RBL1: variants seen among roughly 807,000 people sequenced by gnomAD.
RBL1 encodes RB transcriptional corepressor like 1, also known as retinoblastoma-like protein 1.
Under a neutral mutation model 123.0 loss-of-function variants are expected in RBL1, and 82 were observed. The ratio of observed to expected loss-of-function variants is 0.67; its 90% confidence interval spans 0.56 to 0.80. The LOEUF is 0.80. Ranked by LOEUF, RBL1 falls within the 30% of genes least tolerant of loss-of-function variation. The pLI is 0.00. For synonymous variants in RBL1, 405 were observed against 441.3 expected, an observed-to-expected ratio of 0.92 and a Z score of 1.03; for missense variants, 1,171 against 1,299.6, an observed-to-expected ratio of 0.90 and a Z score of 1.52.
chr20:36,998,654 C>A lies in RBL1; in HGVS notation c.*105G>T. 7.9e-6 allele frequency: 8 copies of A among 1,010,326 alleles called. No individual in the cohort carries two copies. Among genetic ancestry groups the A allele is most frequent in the Admixed American group, 3.2e-5 (1 of 30,986 alleles). The allele number at this position is 1,010,326 out of a possible 1,614,324, so 62.6% of individuals were successfully genotyped here. ...ATTTTTGTGCAATTTTTTCTTATAA[C>A]CCAGTGATATTTATCATCTATAGGG... On this transcript the variant is annotated 3_prime_UTR_variant, in exon 22 of 22. Coordinates refer to ENST00000373664, the MANE Select transcript of RBL1 (RefSeq NM_002895.5).
chr20:37,084,146 C>T (rs1186060174), intron 2 of RBL1, among the ~76,000 whole-genome samples: 1 of 151,858 alleles, frequency 6.6e-6, no homozygotes, highest in Non-Finnish European at 1.5e-5. Context: ...GAGATCTGCC[C>T]GCCTTGGCCT....
At chr20:37,018,183 T>C (rs1425681335) in intron 19 of RBL1, 96 bp downstream of exon 19, 6 of 1,353,626 alleles carry the variant, frequency 4.4e-6, no homozygotes, top group Non-Finnish European at 4.8e-6. Flanking sequence ...CTCACCTCCT[T>C]ATGATTCACA....
chr20:37,047,473 T>A (rs1369556676), intron 11 of RBL1, among the ~76,000 whole-genome samples: 1 of 152,170 alleles, frequency 6.6e-6, no homozygotes, highest in Non-Finnish European at 1.5e-5. Flanking sequence ...GCATTAGAAT[T>A]GGTTATTTTT....
intron 11 of RBL1, among the ~76,000 whole-genome samples, chr20:37,053,413 C>G (rs2064951524): frequency 6.6e-6 from 1 of 152,120 alleles, no homozygotes; most frequent in Admixed American, 6.6e-5. Context: ...ACTGGCATAT[C>G]TAAATTGTGA....
chr20:37,070,766 C>G (rs2065270623), intron 2 of RBL1, among the ~76,000 whole-genome samples: 1 of 152,170 alleles, frequency 6.6e-6, no homozygotes, highest in Non-Finnish European at 1.5e-5. Flanking sequence ...TGTGTTCAAG[C>G]AAGCCACCGT....
chr20:37,089,398 C>T (rs1884274441), intron 1 of RBL1, among the ~76,000 whole-genome samples: 1 of 148,794 alleles, frequency 6.7e-6, no homozygotes, highest in South Asian at 2.1e-4. Flanking sequence ...TGTTTGTAAT[C>T]CCAGTAACTC....
intron 6 of RBL1, among the ~76,000 whole-genome samples, chr20:37,066,222 CTAAGT>C (rs1245186607): frequency 2.0e-5 from 3 of 152,140 alleles, no homozygotes; most frequent in African/African-American, 7.2e-5. Flanking sequence ...GTAGAAATAG[CTAAGT>C]TAATTACCAA....
At chr20:37,045,475 C>T (rs1358025433) in intron 12 of RBL1, among the ~76,000 whole-genome samples, 4 of 151,462 alleles carry the variant, frequency 2.6e-5, no homozygotes, top group Admixed American at 1.3e-4. Context: ...CAAAGGAGGC[C>T]GACACAGTGG....
intron 12 of RBL1, among the ~76,000 whole-genome samples, chr20:37,045,690 C>T (rs1600523335): frequency 6.6e-6 from 1 of 152,048 alleles, no homozygotes; most frequent in South Asian, 2.1e-4. Flanking sequence ...TTCCTAATGG[C>T]AAAAGTTGAA....
intron 2 of RBL1, among the ~76,000 whole-genome samples, chr20:37,080,323 T>C (rs1378006070): frequency 6.6e-6 from 1 of 151,166 alleles, no homozygotes; most frequent in Admixed American, 6.6e-5. Context: ...TGTTCGGCTG[T>C]TTTTTGTATT....
At chr20:37,043,908 A>G (rs1039056027) in intron 13 of RBL1, among the ~76,000 whole-genome samples, 178 bp downstream of exon 13, 1 of 152,064 alleles carries the variant, frequency 6.6e-6, no homozygotes, top group African/African-American at 2.4e-5. Context: ...TTCTTTTTGA[A>G]GTGATGACTA....
chr20:37,053,733 C>T (rs2064958182), intron 11 of RBL1, among the ~76,000 whole-genome samples: 1 of 152,050 alleles, frequency 6.6e-6, no homozygotes, highest in Non-Finnish European at 1.5e-5. Flanking sequence ...GTTGTTTTTG[C>T]TTAAAGTCAC....
chr20:37,018,140 C>T (rs2064285783), intron 19 of RBL1, 139 bp downstream of exon 19: 1 of 998,880 alleles, frequency 1.0e-6, no homozygotes, highest in Non-Finnish European at 1.4e-6. Flanking sequence ...TAATCTCAAA[C>T]TTATTTGTTT....
At chr20:37,016,021 G>GT (rs1205524942) in intron 19 of RBL1, among the ~76,000 whole-genome samples, 10,688 of 112,484 alleles carry the variant, frequency 0.095, 727 homozygotes, top group Non-Finnish European at 0.11. Flanking sequence ...GTGCCCAGCG[G>GT]TTTTTTTTTT....
chr20:37,052,179 C>CACATT (rs896155883), intron 11 of RBL1, among the ~76,000 whole-genome samples: 3 of 151,312 alleles, frequency 2.0e-5, no homozygotes, highest in Non-Finnish European at 4.4e-5. Flanking sequence ...ATTACAGGTG[C>CACATT]ACACCACTAT....
At chr20:37,069,370 C>T (rs968381707) in intron 2 of RBL1, among the ~76,000 whole-genome samples, 4 of 148,998 alleles carry the variant, frequency 2.7e-5, no homozygotes, top group East Asian at 2.0e-4. Context: ...TCCGCCCGGC[C>T]GCCATCCCAC....
rs754569157 is a variant in RBL1 at position 37,066,802 on chromosome 20, A to G, written c.768T>C (p.His256=). The G allele has an allele frequency of 6.2e-7, 1 of 1,613,436 alleles. No individual in the cohort carries two copies. The highest frequency in any genetic ancestry group is 1.1e-5 in the South Asian group (1 of 91,066). The change falls in exon 6 of 22, where the codon CAT becomes CAC. Residue 256 remains histidine (H), a synonymous_variant. Transcript: ENST00000373664. ...CTTTTGCTTCTACGAGAAGTCCATC[A>G]TGCAGTTCACACAGTACAGCAATGA... ...PCIIAVLCEL[H]DGLLVEAKGI... is the part of the protein sequence containing the mutation.
At chr20:36,999,985 G>A (rs2063940172) in intron 21 of RBL1, among the ~76,000 whole-genome samples, 1 of 150,374 alleles carries the variant, frequency 6.7e-6, no homozygotes, top group Non-Finnish European at 1.5e-5. Context: ...TCTCTGCCTG[G>A]CTGCCCAGTC....
chr20:37,027,651 G>A (rs918236614), intron 16 of RBL1, among the ~76,000 whole-genome samples: 2 of 152,208 alleles, frequency 1.3e-5, no homozygotes, highest in African/African-American at 4.8e-5. Context: ...TATGTCTAAG[G>A]TCAACCGTTT....
Sources: gnomAD v4.1 joint callset for allele counts (sites outside exome capture counted in the v4.1 genomes callset) on GRCh38, gnomAD v4.1.1 for gene constraint, MANE v1.5 for transcripts, NCBI Gene and HGNC (gene_info 2026-07-23, HGNC 2026-07-21) for gene names.